SRP19: variants seen among roughly 807,000 people sequenced by gnomAD.
SRP19 encodes signal recognition particle 19.
A neutral mutation model predicts 22.4 loss-of-function variants in SRP19; 11 were observed. That is an observed-to-expected ratio of 0.49 (90% CI 0.31 to 0.81). The LOEUF is 0.81. Among genes scored for constraint, SRP19 ranks in the 40% least tolerant of loss-of-function variants. SRP19 has a pLI of 0.05. For missense variants in SRP19, 168 were observed against 175.9 expected, an observed-to-expected ratio of 0.96 and a Z score of 0.25; for synonymous variants, 61 against 57.6, an observed-to-expected ratio of 1.06 and a Z score of -0.27.
intron 4 of SRP19, among the ~76,000 whole-genome samples, chr5:112,888,602 T>G (rs895966775): frequency 1.4e-5 from 2 of 146,524 alleles, no homozygotes; most frequent in Non-Finnish European, 3.0e-5. Context: ...TTTTTATAAC[T>G]TTTTTTTGTA....
intron 4 of SRP19, among the ~76,000 whole-genome samples, chr5:112,865,445 G>A (rs567951909): frequency 6.6e-6 from 1 of 152,212 alleles, no homozygotes; most frequent in South Asian, 2.1e-4. Context: ...TTGTTTGCAT[G>A]TTGTTTATTT....
chr5:112,868,476 C>T lies in SRP19; in HGVS notation c.*939C>T, dbSNP rs1156461557. 3.0e-6 allele frequency: 2 copies of T among 655,788 alleles called. No homozygotes were observed. The highest frequency in any genetic ancestry group is 3.8e-6 in the Non-Finnish European group (2 of 528,312). The allele number at this position is 655,788 out of a possible 1,614,324, so 40.6% of individuals were successfully genotyped here. ...AGTGCAATGGCACGATATCGGCGTA[C>T]CACAACCTCTGCATCCCAGGTTCAA... On this transcript the variant is annotated 3_prime_UTR_variant, in exon 5 of 5. Transcript: ENST00000505459.
exon 5 of SRP19, chr5:112,893,006 C>T: frequency 6.4e-7 from 1 of 1,562,832 alleles, no homozygotes; most frequent in Non-Finnish European, 8.8e-7. Context: ...CAAAGTTCCT[C>T]TAGGTGCCGA....
At chr5:112,877,981 CTGTGTGTGTG>C (rs60109818) in intron 4 of SRP19, 26,745 of 147,508 alleles carry the variant, frequency 0.18, 2,629 homozygotes, top group Non-Finnish European at 0.23. Context: ...ACAGGTTACT[CTGTGTGTGTG>C]TGTGTGTGTG....
chr5:112,881,805 A>T (rs760837354), intron 4 of SRP19, among the ~76,000 whole-genome samples: 17 of 152,104 alleles, frequency 1.1e-4, no homozygotes, highest in Non-Finnish European at 2.1e-4. Flanking sequence ...TCACTCTGTC[A>T]CCCAGGCTGG....
At chr5:112,871,864 C>G (rs1393446271), downstream of SRP19, among the ~76,000 whole-genome samples, 2 of 152,230 alleles carry the variant, frequency 1.3e-5, no homozygotes, top group East Asian at 1.9e-4. Flanking sequence ...TGGCACCACA[C>G]CTAGCTGAAA....
At chr5:112,892,884 C>T in exon 5 of SRP19, 1 of 1,612,340 alleles carries the variant, frequency 6.2e-7, no homozygotes. Flanking sequence ...CTCACAAACG[C>T]ACATCAAAGA....
chr5:112,865,828 G>A (rs1444167100), intron 4 of SRP19, among the ~76,000 whole-genome samples: 10 of 152,102 alleles, frequency 6.6e-5, no homozygotes, highest in Admixed American at 5.2e-4. Flanking sequence ...TCTTGACCTC[G>A]TGATCCACCC....
At chr5:112,883,022 C>G (rs1768125918) in intron 4 of SRP19, among the ~76,000 whole-genome samples, 1 of 152,228 alleles carries the variant, frequency 6.6e-6, no homozygotes, top group African/African-American at 2.4e-5. Flanking sequence ...CTTCACTGGT[C>G]AAGGACAGAG....
At chr5:112,898,093 C>T (rs1200464730) in exon 4 of SRP19, 1 of 152,120 alleles carries the variant, frequency 6.6e-6, no homozygotes, top group Non-Finnish European at 1.5e-5. Flanking sequence ...CATGTCCTTA[C>T]TTGTAAGTCT....
intron 4 of SRP19, among the ~76,000 whole-genome samples, chr5:112,891,363 G>A (rs1451462691): frequency 2.0e-5 from 3 of 152,012 alleles, no homozygotes; most frequent in African/African-American, 7.3e-5. Context: ...GTGAGCCACC[G>A]CACCTGGCCA....
downstream of SRP19, chr5:112,897,165 T>C (rs1768709222): frequency 6.6e-6 from 1 of 152,108 alleles, no homozygotes; most frequent in South Asian, 2.1e-4. Flanking sequence ...TTATATATCA[T>C]ATGTGATCTA....
rs1023216494 is a variant in SRP19, at chr5:112,892,713, T to C, written c.*1106T>C. ...ACATCTACTTGTCTTCAGATCAGAC[T>C]GGCTCCTCCTTTGGCAAGAACTCCG... On this transcript the variant is annotated 3_prime_UTR_variant, in exon 5 of 5. Transcript: ENST00000391338. 3.1e-6 allele frequency: 5 copies of C among 1,613,936 alleles called. No homozygotes were observed. The African/African-American group carries it at 6.7e-5, about 22-fold the overall frequency.
chr5:112,882,032 G>C (rs1367098942), intron 4 of SRP19: 1 of 153,238 alleles, frequency 6.5e-6, no homozygotes, highest in African/African-American at 2.4e-5. Flanking sequence ...TTGACCTCTG[G>C]AAGTGCTGTG....
At position 112,867,751 on chromosome 5, in the gene SRP19, G is replaced by A; in HGVS notation, c.*214G>A. 2 of 1,257,724 alleles carry A rather than the reference G, an allele frequency of 1.6e-6. No homozygotes were observed. The highest frequency in any genetic ancestry group is 6.0e-5 in the East Asian group (2 of 33,382). 77.9% of individuals were successfully genotyped at this position (1,257,724 alleles called of 1,614,324 possible). ...ATATGCCGTATAAAAGAATTTTTTT[G>A]TCTTTCAATGCAGTTTTTTGGAAGA... On this transcript the variant is annotated 3_prime_UTR_variant, in exon 5 of 5. Transcript: ENST00000505459.
chr5:112,879,972 G>A (rs1462732450), intron 4 of SRP19, among the ~76,000 whole-genome samples: 1 of 151,636 alleles, frequency 6.6e-6, no homozygotes, highest in Admixed American at 6.6e-5. Flanking sequence ...AGTACCTAAT[G>A]CAACATGAAT....
At chr5:112,880,052 C>T (rs755387160) in intron 4 of SRP19, among the ~76,000 whole-genome samples, 10 of 152,104 alleles carry the variant, frequency 6.6e-5, no homozygotes, top group South Asian at 4.1e-4. Flanking sequence ...TGCCACCATT[C>T]TCTCCTATGA....
rs757482397 is a variant in SRP19, at chr5:112,868,412, G to A, written c.*875G>A. On this transcript the variant is annotated 3_prime_UTR_variant, in exon 5 of 5. Transcript: ENST00000505459. ...TTTTTTTAAGTTTGTTTGTTTGTTT[G>A]TTTTTGAGATGGAGTTTCACTCTTG... 2.9e-5 allele frequency: 29 copies of A among 997,992 alleles called. No homozygotes were observed. The highest frequency in any genetic ancestry group is 3.5e-5 in the Non-Finnish European group (29 of 839,106). The allele number at this position is 997,992 out of a possible 1,614,324, so 61.8% of individuals were successfully genotyped here. A position where few individuals can be genotyped will look rare whatever the true frequency, so the allele number is the denominator to read the frequency against.
intron 4 of SRP19, among the ~76,000 whole-genome samples, chr5:112,891,290 C>T (rs1224057860): frequency 2.0e-5 from 3 of 152,078 alleles, no homozygotes; most frequent in Non-Finnish European, 4.4e-5. Context: ...CCAGGCTGGT[C>T]TCAAACTCCT....
Sources: allele counts gnomAD v4.1 joint callset (sites outside exome capture counted in the v4.1 genomes callset), GRCh38; gene constraint gnomAD v4.1.1; transcripts MANE v1.5; gene names NCBI Gene and HGNC (gene_info 2026-07-23, HGNC 2026-07-21).